CSMD3: variants seen among roughly 807,000 people sequenced by gnomAD.
CSMD3 encodes CUB and Sushi multiple domains 3.
CSMD3 carries 177 observed loss-of-function variants against 435.2 expected under a neutral mutation model. That is an observed-to-expected ratio of 0.41 (90% CI 0.36 to 0.46). CSMD3 has a LOEUF of 0.46. Among genes scored for constraint, CSMD3 ranks in the 20% least tolerant of loss-of-function variants. The pLI is 0.34. For missense variants in CSMD3, 4,265 were observed against 4,504.6 expected (o/e 0.95, Z 1.52); for synonymous variants, 1,656 against 1,520.5 (o/e 1.09, Z -2.07).
chr8:112,738,412 T>C (rs1340579600), intron 13 of CSMD3, among the ~76,000 whole-genome samples: 1 of 151,810 alleles, frequency 6.6e-6, no homozygotes, highest in African/African-American at 2.4e-5. Flanking sequence ...ACTAATGAAC[T>C]ATTTATATAA....
At chr8:113,048,050 T>G (rs1564252139) in intron 5 of CSMD3, among the ~76,000 whole-genome samples, 1 of 151,440 alleles carries the variant, frequency 6.6e-6, no homozygotes, top group Non-Finnish European at 1.5e-5. Flanking sequence ...TGTGGGACCA[T>G]GTACTGTTAG....
chr8:112,670,344 C>T (rs1303921273), intron 16 of CSMD3, among the ~76,000 whole-genome samples: 1 of 152,152 alleles, frequency 6.6e-6, no homozygotes, highest in African/African-American at 2.4e-5. Context: ...GTTTGCTCCA[C>T]TATGGAAAGT....
intron 57 of CSMD3, among the ~76,000 whole-genome samples, chr8:112,288,079 G>A (rs1258148780): frequency 6.6e-6 from 1 of 151,848 alleles, no homozygotes; most frequent in East Asian, 1.9e-4. Flanking sequence ...CATTGAAAAT[G>A]TTCTTTCCAT....
In CSMD3 at chr8:113,307,201, T is replaced by A. The variant is rs117482028; in HGVS notation, c.401+7370A>T. On this transcript the variant is annotated intron_variant, in intron 2 of 70. Coordinates refer to ENST00000297405, the MANE Select transcript of CSMD3 (RefSeq NM_198123.2). ...CTAGCCTTTTCTGGAAAAAACTTAGTTTATCAAGTAATACTTTTAAGAATG... is the reference window on the plus strand; with the variant it reads ...CTAGCCTTTTCTGGAAAAAACTTAGATTATCAAGTAATACTTTTAAGAATG... Among the ~76,000 whole-genome samples the A allele has an allele frequency of 1.6e-4, 24 of 152,212 alleles. No individual in the cohort carries two copies. The East Asian group carries it at 4.0e-3, about 26-fold the overall frequency.
At chr8:113,299,052 C>G (rs973337076) in intron 2 of CSMD3, among the ~76,000 whole-genome samples, 20 of 152,154 alleles carry the variant, frequency 1.3e-4, no homozygotes, top group African/African-American at 4.8e-4. Context: ...ACATGTCCCT[C>G]TGGCTCACAA....
intron 4 of CSMD3, among the ~76,000 whole-genome samples, chr8:113,136,551 AAAC>A (rs2131708534): frequency 6.6e-6 from 1 of 151,858 alleles, no homozygotes; most frequent in African/African-American, 2.4e-5. Context: ...AGTAGGATGA[AAAC>A]AAAAAAGAAC....
chr8:113,241,360 T>A (rs2093214373), intron 3 of CSMD3, among the ~76,000 whole-genome samples: 1 of 152,062 alleles, frequency 6.6e-6, no homozygotes, highest in African/African-American at 2.4e-5. Flanking sequence ...TCATACCTGA[T>A]ACATATTTAA....
chr8:113,024,270 A>G (rs972301001), intron 5 of CSMD3, among the ~76,000 whole-genome samples: 2 of 151,142 alleles, frequency 1.3e-5, no homozygotes, highest in African/African-American at 4.9e-5. Context: ...TTAAGGCTGC[A>G]TAGTATTCCA....
chr8:112,466,676 T>C (rs1817985806), intron 32 of CSMD3, among the ~76,000 whole-genome samples: 1 of 152,162 alleles, frequency 6.6e-6, no homozygotes, highest in African/African-American at 2.4e-5. Context: ...ATTACAAGAA[T>C]ACCTAAATTC....
chr8:112,438,351 A>G (rs893171418), intron 32 of CSMD3, among the ~76,000 whole-genome samples: 1 of 152,200 alleles, frequency 6.6e-6, no homozygotes, highest in Non-Finnish European at 1.5e-5. Context: ...CAGAATGCTG[A>G]CAGTTCAGAA....
intron 25 of CSMD3, among the ~76,000 whole-genome samples, chr8:112,555,898 C>T (rs1828071655): frequency 1.3e-5 from 2 of 151,854 alleles, no homozygotes; most frequent in South Asian, 4.1e-4. Context: ...AGTACACCTT[C>T]TAAAAATAAA....
intron 70 of CSMD3, among the ~76,000 whole-genome samples, chr8:112,225,808 C>A (rs925586763): frequency 6.6e-6 from 1 of 152,142 alleles, no homozygotes; most frequent in South Asian, 2.1e-4. Context: ...TAACCAGACA[C>A]ATGAATTCTG....
At chr8:113,026,527 T>C (rs1382700824) in intron 5 of CSMD3, among the ~76,000 whole-genome samples, 1 of 152,186 alleles carries the variant, frequency 6.6e-6, no homozygotes, top group South Asian at 2.1e-4. Flanking sequence ...TAGTGATAAG[T>C]TTTCTATGTT....
intron 27 of CSMD3, among the ~76,000 whole-genome samples, chr8:112,531,394 G>A (rs1279588170): frequency 6.6e-6 from 1 of 152,166 alleles, no homozygotes; most frequent in Non-Finnish European, 1.5e-5. Context: ...TATGGGCATT[G>A]GGTGAGCCTC....
intron 12 of CSMD3, among the ~76,000 whole-genome samples, chr8:112,812,130 C>A (rs951126208): frequency 1.3e-5 from 2 of 152,094 alleles, no homozygotes; most frequent in East Asian, 3.9e-4. Flanking sequence ...ATTGATGCAG[C>A]CAGCAGGAGG....
chr8:113,309,803 G>GTCT (rs2093853360), intron 2 of CSMD3: 1 of 152,186 alleles, frequency 6.6e-6, no homozygotes, highest in Admixed American at 6.5e-5. Context: ...CTGGCCCTCA[G>GTCT]TCTTCTCCAT....
At chr8:113,373,532 G>A (rs2094359838) in intron 1 of CSMD3, among the ~76,000 whole-genome samples, 1 of 151,628 alleles carries the variant, frequency 6.6e-6, no homozygotes, top group South Asian at 2.1e-4. Flanking sequence ...CATTATATGT[G>A]TATATATATT....
intron 31 of CSMD3, among the ~76,000 whole-genome samples, chr8:112,489,788 T>C (rs1820505674): frequency 6.6e-6 from 1 of 152,158 alleles, no homozygotes; most frequent in Non-Finnish European, 1.5e-5. Context: ...CATAAACTTA[T>C]CTTGAACTTC....
At chr8:113,278,489 G>A (rs1047669725) in intron 3 of CSMD3, 103 bp downstream of exon 3, 1 of 700,886 alleles carries the variant, frequency 1.4e-6, no homozygotes, top group Non-Finnish European at 2.7e-6. Context: ...CAAGATTTGA[G>A]ACAACATGAT....
Sources: gnomAD v4.1 joint callset for allele counts (sites outside exome capture counted in the v4.1 genomes callset) on GRCh38, gnomAD v4.1.1 for gene constraint, MANE v1.5 for transcripts, NCBI Gene and HGNC (gene_info 2026-07-23, HGNC 2026-07-21) for gene names.